The following PDE5A variants were observed in gnomAD, a reference collection of about 807,000 sequenced individuals.
The protein encoded by PDE5A is cGMP-specific 3',5'-cyclic phosphodiesterase.
PDE5A carries 67 observed loss-of-function variants against 110.2 expected under a neutral mutation model. That is an observed-to-expected ratio of 0.61 (90% CI 0.50 to 0.75). The LOEUF is 0.75. Ranked by LOEUF, PDE5A falls within the 30% of genes least tolerant of loss-of-function variation. The pLI, the probability that PDE5A is intolerant of heterozygous loss-of-function variation, is 0.00. For missense variants in PDE5A, 862 were observed against 1,045.1 expected (o/e 0.82, Z 2.42); for synonymous variants, 328 against 351.2 (o/e 0.93, Z 0.74).
At chr4:119,623,132 T>C (rs1224829484) in intron 1 of PDE5A, among the ~76,000 whole-genome samples, 1 of 152,142 alleles carries the variant, frequency 6.6e-6, no homozygotes, top group Non-Finnish European at 1.5e-5. Context: ...GGAAAGACTT[T>C]CTTCAATTTT....
chr4:119,502,724 T>C (rs909474520), intron 18 of PDE5A, 69 bp from the exon 19 acceptor site: 6 of 993,956 alleles, frequency 6.0e-6, no homozygotes, highest in Middle Eastern at 2.1e-4. Flanking sequence ...AGACCGTGAA[T>C]GAAGGCCCTG....
intron 9 of PDE5A, chr4:119,543,902 T>C (rs1179665136): frequency 2.0e-5 from 3 of 152,214 alleles, no homozygotes; most frequent in African/African-American, 7.2e-5. Flanking sequence ...TCATGGTAAA[T>C]TTTATTTCTC....
intron 14 of PDE5A, chr4:119,512,459 G>C (rs1490438433): frequency 1.3e-5 from 2 of 152,162 alleles, no homozygotes; most frequent in Non-Finnish European, 2.9e-5. Flanking sequence ...CTGGAAACAG[G>C]ATTGCGTATG....
rs185780153 is a variant in PDE5A, at chr4:119,506,507, G to A, written c.2190-575C>T. Among the ~76,000 whole-genome samples the A allele has an allele frequency of 4.3e-3, 654 of 151,510 alleles. 7 individuals carry two copies. Among genetic ancestry groups the A allele is most frequent in the African/African-American group, 0.015 (612 of 41,372 alleles). ...GCATAAGACAAAAATTTTTCTTTTCGCAGTGTTTAATATCTACCTGGAGAC... is the reference window on the plus strand; with the variant it reads ...GCATAAGACAAAAATTTTTCTTTTCACAGTGTTTAATATCTACCTGGAGAC... On this transcript the variant is annotated intron_variant, in intron 16 of 20. Coordinates refer to ENST00000354960, the MANE Select transcript of PDE5A (RefSeq NM_001083.4).
chr4:119,502,135 A>C (rs1354859712), intron 19 of PDE5A, among the ~76,000 whole-genome samples: 3 of 152,046 alleles, frequency 2.0e-5, no homozygotes, highest in Non-Finnish European at 4.4e-5. Flanking sequence ...CAGCTTCTCT[A>C]TTAAATTCTT....
At chr4:119,560,993 C>T (rs766091802) in intron 6 of PDE5A, among the ~76,000 whole-genome samples, 2 of 152,122 alleles carry the variant, frequency 1.3e-5, no homozygotes, top group Admixed American at 6.6e-5. Context: ...TGTGGGCATG[C>T]CTCTGTCATC....
intron 3 of PDE5A, among the ~76,000 whole-genome samples, chr4:119,596,313 C>A (rs1398454802): frequency 6.6e-6 from 1 of 151,808 alleles, no homozygotes; most frequent in Non-Finnish European, 1.5e-5. Context: ...AAATTTATTT[C>A]TAAGTAAATG....
intron 11 of PDE5A, chr4:119,527,051 C>A (rs565442019): frequency 6.6e-6 from 1 of 152,260 alleles, no homozygotes; most frequent in South Asian, 2.1e-4. Flanking sequence ...CACCTTTTAA[C>A]TCAAAGCAGA....
At chr4:119,617,119 TG>T (rs1311995807) in intron 1 of PDE5A, among the ~76,000 whole-genome samples, 3 of 152,204 alleles carry the variant, frequency 2.0e-5, no homozygotes, top group Admixed American at 1.3e-4. Flanking sequence ...GCATATAATC[TG>T]GGAAGAATCA....
chr4:119,534,556 C>T (rs1210248257), intron 11 of PDE5A, among the ~76,000 whole-genome samples: 7 of 152,096 alleles, frequency 4.6e-5, no homozygotes, highest in Admixed American at 4.6e-4. Flanking sequence ...AAAATCAGTC[C>T]CTGGTGCCAA....
intron 2 of PDE5A, among the ~76,000 whole-genome samples, chr4:119,599,572 G>A (rs560898703): frequency 6.6e-6 from 1 of 151,914 alleles, no homozygotes; most frequent in Admixed American, 6.6e-5. Flanking sequence ...ACATTTAACA[G>A]CCCACCGAAA....
chr4:119,564,754 G>A (rs1560617966), intron 5 of PDE5A, among the ~76,000 whole-genome samples: 1 of 152,132 alleles, frequency 6.6e-6, no homozygotes, highest in Non-Finnish European at 1.5e-5. Context: ...CTTATAAATA[G>A]TTTCTTTAGA....
chr4:119,501,680 G>GAA (rs372131149), intron 19 of PDE5A, among the ~76,000 whole-genome samples: 1 of 151,744 alleles, frequency 6.6e-6, no homozygotes, highest in African/African-American at 2.4e-5. Flanking sequence ...AATACAAAAA[G>GAA]AAAAAAAGAG....
At chr4:119,568,625 G>T (rs1024426638) in intron 3 of PDE5A, among the ~76,000 whole-genome samples, 36 of 152,132 alleles carry the variant, frequency 2.4e-4, no homozygotes, top group African/African-American at 8.0e-4. Flanking sequence ...AGTGGCCATG[G>T]ATTGCTAGGA....
At chr4:119,615,655 T>C (rs753376718) in intron 1 of PDE5A, among the ~76,000 whole-genome samples, 90 of 151,462 alleles carry the variant, frequency 5.9e-4, no homozygotes, top group Non-Finnish European at 1.1e-3. Context: ...CAGTTTAAAT[T>C]ACATCATAGC....
chr4:119,618,247 T>C (rs1041257857), intron 1 of PDE5A, among the ~76,000 whole-genome samples: 4 of 152,182 alleles, frequency 2.6e-5, no homozygotes, highest in African/African-American at 4.8e-5. Context: ...ATAGTTATTG[T>C]TTTTAAGTTA....
chr4:119,510,312 C>T (rs924763377), intron 15 of PDE5A, among the ~76,000 whole-genome samples: 1 of 151,918 alleles, frequency 6.6e-6, no homozygotes, highest in African/African-American at 2.4e-5. Flanking sequence ...AAGAATTAGC[C>T]CAACTGAGTA....
At chr4:119,528,660 AAAAG>A (rs1475061371) in intron 11 of PDE5A, 1 of 152,124 alleles carries the variant, frequency 6.6e-6, no homozygotes, top group Non-Finnish European at 1.5e-5. Context: ...TTGAACGTGT[AAAAG>A]AAGGAAGTTG....
chr4:119,546,566 C>T (rs1052780257), intron 9 of PDE5A, among the ~76,000 whole-genome samples: 5 of 151,962 alleles, frequency 3.3e-5, no homozygotes, highest in African/African-American at 4.8e-5. Flanking sequence ...AGGGCAATAA[C>T]CATCAGCTAT....
Sources: gnomAD v4.1 joint callset for allele counts (sites outside exome capture counted in the v4.1 genomes callset) on GRCh38, gnomAD v4.1.1 for gene constraint, MANE v1.5 for transcripts, NCBI Gene and HGNC (gene_info 2026-07-23, HGNC 2026-07-21) for gene names.